ZFHX3: variants seen among roughly 807,000 people sequenced by gnomAD.
The protein encoded by ZFHX3 is zinc finger homeobox 3.
In ZFHX3, 42 loss-of-function variants were observed where a neutral mutation model predicts 279.1. That is an observed-to-expected ratio of 0.15 (90% confidence interval 0.12 to 0.19). ZFHX3 has a LOEUF of 0.19. Ranked by LOEUF, ZFHX3 falls within the 10% of genes least tolerant of loss-of-function variation. The pLI, the probability that ZFHX3 is intolerant of heterozygous loss-of-function variation, is 1.00. For synonymous variants in ZFHX3, 2,293 were observed against 1,957.8 expected (o/e 1.17, Z -4.52); for missense variants, 4,981 against 4,754.0 (o/e 1.05, Z -1.40).
chr16:73,349,549 T>A (rs1191275739), intron 3 of ZFHX3, among the ~76,000 whole-genome samples: 1 of 152,166 alleles, frequency 6.6e-6, no homozygotes, highest in Non-Finnish European at 1.5e-5. Context: ...TTATCAGTTT[T>A]TGTAAGTGAG....
chr16:72,930,342 T>C (rs1959717253), intron 3 of ZFHX3, among the ~76,000 whole-genome samples: 1 of 152,136 alleles, frequency 6.6e-6, no homozygotes, highest in African/African-American at 2.4e-5. Context: ...CACCCCTTTA[T>C]GGTTCTTCTG....
intron 7 of ZFHX3, chr16:73,127,739 A>G: frequency 1.4e-6 from 1 of 717,772 alleles, no homozygotes. Context: ...CTGCAGAGAA[A>G]GTTGGACAAT....
chr16:73,874,926 C>A (rs2029900028), intron 1 of ZFHX3, among the ~76,000 whole-genome samples: 2 of 152,168 alleles, frequency 1.3e-5, no homozygotes, highest in Admixed American at 1.3e-4. Context: ...AACATATCCA[C>A]AAATGGGTAT....
At chr16:72,926,638 T>C (rs894053868) in intron 3 of ZFHX3, among the ~76,000 whole-genome samples, 15 of 152,266 alleles carry the variant, frequency 9.9e-5, no homozygotes, top group East Asian at 3.9e-4. Context: ...ACGTGGGAGA[T>C]AGGTCCCGAC....
At chr16:72,960,251 A>T in intron 1 of ZFHX3, 57 bp from the exon 2 acceptor site, 1 of 1,410,242 alleles carries the variant, frequency 7.1e-7, no homozygotes, top group Non-Finnish European at 9.4e-7. Context: ...GAGAGAAAGG[A>T]AAGAGGTTAG....
intron 7 of ZFHX3, among the ~76,000 whole-genome samples, chr16:73,108,099 T>C (rs973962738): frequency 1.5e-4 from 23 of 152,070 alleles, no homozygotes; most frequent in Non-Finnish European, 3.2e-4. Flanking sequence ...AGGCAGAGCT[T>C]GCAGTGAGCC....
At chr16:73,483,810 G>C (rs1178409943) in intron 2 of ZFHX3, among the ~76,000 whole-genome samples, 1 of 152,082 alleles carries the variant, frequency 6.6e-6, no homozygotes, top group African/African-American at 2.4e-5. Context: ...TTCCCATTAG[G>C]AGTCCTGCAA....
At chr16:73,550,594 G>A (rs1393611496) in intron 2 of ZFHX3, among the ~76,000 whole-genome samples, 1 of 152,170 alleles carries the variant, frequency 6.6e-6, no homozygotes, top group Non-Finnish European at 1.5e-5. Flanking sequence ...TCAACAATGA[G>A]GTCAGATACA....
chr16:73,547,842 G>A (rs1237315089), intron 2 of ZFHX3, among the ~76,000 whole-genome samples: 1 of 152,176 alleles, frequency 6.6e-6, no homozygotes, highest in Non-Finnish European at 1.5e-5. Context: ...TATTTCAAAA[G>A]TGCAGGGAAA....
At chr16:73,313,554 G>C (rs958165776) in intron 4 of ZFHX3, among the ~76,000 whole-genome samples, 1 of 152,162 alleles carries the variant, frequency 6.6e-6, no homozygotes, top group African/African-American at 2.4e-5. Context: ...GGAGGTTGAA[G>C]ATCTTGCTCA....
chr16:73,602,327 G>C (rs1025845201), intron 2 of ZFHX3, among the ~76,000 whole-genome samples: 2 of 152,160 alleles, frequency 1.3e-5, no homozygotes, highest in African/African-American at 4.8e-5. Context: ...ATATCACGCA[G>C]TGCTGAGACC....
At chr16:73,780,822 G>C (rs938052354) in intron 1 of ZFHX3, among the ~76,000 whole-genome samples, 1 of 152,188 alleles carries the variant, frequency 6.6e-6, no homozygotes, top group Admixed American at 6.5e-5. Context: ...TATTTTAAGA[G>C]TGGATATATG....
At chr16:73,856,813 A>C (rs559934846) in intron 1 of ZFHX3, among the ~76,000 whole-genome samples, 27 of 152,374 alleles carry the variant, frequency 1.8e-4, no homozygotes, top group African/African-American at 6.5e-4. Flanking sequence ...TACAGACTAA[A>C]TGTATAACCC....
intron 2 of ZFHX3, among the ~76,000 whole-genome samples, chr16:73,602,298 T>C (rs1470977025): frequency 1.3e-5 from 2 of 152,230 alleles, no homozygotes; most frequent in Non-Finnish European, 2.9e-5. Flanking sequence ...ACGAAAAATT[T>C]AGTCCTAGAG....
intron 1 of ZFHX3, among the ~76,000 whole-genome samples, chr16:73,856,364 G>A (rs553134889): frequency 3.9e-5 from 6 of 152,190 alleles, no homozygotes; most frequent in Non-Finnish European, 7.4e-5. Context: ...AAGGTTGGAC[G>A]CAGTAACAGT....
intron 1 of ZFHX3, among the ~76,000 whole-genome samples, chr16:73,734,477 C>G (rs1158752819): frequency 2.6e-5 from 4 of 151,658 alleles, no homozygotes; most frequent in African/African-American, 9.7e-5. Flanking sequence ...AAAGAGTTTC[C>G]CTGAATGACA....
intron 1 of ZFHX3, among the ~76,000 whole-genome samples, chr16:72,961,456 C>T (rs976833339): frequency 6.6e-5 from 10 of 152,192 alleles, no homozygotes; most frequent in Non-Finnish European, 1.5e-4. Context: ...CAGCTCAGCA[C>T]CTCGCAGAGC....
chr16:73,640,287 C>G (rs1199713095), intron 2 of ZFHX3, among the ~76,000 whole-genome samples: 1 of 152,136 alleles, frequency 6.6e-6, no homozygotes, highest in African/African-American at 2.4e-5. Context: ...CAAGTGAAAA[C>G]AGTCATTCCC....
intron 2 of ZFHX3, among the ~76,000 whole-genome samples, chr16:72,955,656 T>A (rs1376118082): frequency 6.6e-6 from 1 of 150,726 alleles, no homozygotes; most frequent in Non-Finnish European, 1.5e-5. Context: ...CGGGTGCCTG[T>A]AATCCCAGCT....
Sources: gnomAD v4.1 joint callset for allele counts (sites outside exome capture counted in the v4.1 genomes callset) on GRCh38, gnomAD v4.1.1 for gene constraint, MANE v1.5 for transcripts, NCBI Gene and HGNC (gene_info 2026-07-23, HGNC 2026-07-21) for gene names.